DHTKD1: variants seen among roughly 807,000 people sequenced by gnomAD.
DHTKD1 encodes 2-oxoadipate dehydrogenase complex component E1.
DHTKD1 carries 78 observed loss-of-function variants against 101.8 expected under a neutral mutation model. The ratio of observed to expected loss-of-function variants is 0.77; its 90% CI spans 0.64 to 0.93. DHTKD1 has a LOEUF of 0.93. Ranked by LOEUF, DHTKD1 falls within the 40% of genes least tolerant of loss-of-function variation. The pLI is 0.00. For missense variants in DHTKD1, 1,223 were observed against 1,161.7 expected (o/e 1.05, Z -0.77); for synonymous variants, 462 against 450.3 (o/e 1.03, Z -0.33).
In DHTKD1 at chr10:12,084,599, C is replaced by G. The variant is rs757261214; in HGVS notation, c.370C>G (p.Gln124Glu). Reference sequence around the variant, plus strand: ...TGAGGAAGTGTTAGTCTATCTCAATCAAATCTACTGTGGGCAGATTTCTAT... The same window carrying G: ...TGAGGAAGTGTTAGTCTATCTCAATGAAATCTACTGTGGGCAGATTTCTAT... ...SLEEVLVYLNQIYCGQISIET... is the reference protein window; with the variant it reads ...SLEEVLVYLNEIYCGQISIET... The change falls in exon 3 of 17, where the codon CAA becomes GAA. Residue 124 changes from glutamine (Q) to glutamate (E), a missense_variant. By Grantham distance (29) the Gln-to-Glu change is conservative. Transcript: ENST00000263035. 1 of 1,613,574 alleles carries G rather than the reference C, an allele frequency of 6.2e-7. No individual in the cohort carries two copies.
At chr10:12,116,387 A>G (rs553487189) in intron 13 of DHTKD1, 1 of 151,736 alleles carries the variant, frequency 6.6e-6, no homozygotes, top group East Asian at 1.9e-4. Flanking sequence ...CACAGAAGGC[A>G]ATCTTTTTAC....
intron 8 of DHTKD1, among the ~76,000 whole-genome samples, chr10:12,099,424 C>G (rs1240522525): frequency 6.6e-6 from 1 of 152,092 alleles, no homozygotes; most frequent in East Asian, 1.9e-4. Context: ...TGGTGGCTCA[C>G]TCCTGTAATC....
chr10:12,069,310 G>GT, intron 1 of DHTKD1, 123 bp downstream of exon 1: 7 of 475,250 alleles, frequency 1.5e-5, no homozygotes, highest in African/African-American at 4.2e-5. Context: ...GGCCGGTGGG[G>GT]AGGAGGGGGA....
intron 1 of DHTKD1, among the ~76,000 whole-genome samples, chr10:12,074,668 C>T (rs543388870): frequency 0.11 from 16,010 of 151,308 alleles, 1,091 homozygotes; most frequent in Non-Finnish European, 0.16. Flanking sequence ...CTATGTTGCC[C>T]CAGGCTGGAA....
intron 10 of DHTKD1, among the ~76,000 whole-genome samples, chr10:12,102,082 C>T (rs1833179641): frequency 6.6e-6 from 1 of 152,134 alleles, no homozygotes; most frequent in African/African-American, 2.4e-5. Context: ...CTTTCCTACT[C>T]TAGCCATTAG....
Position 12,118,820 on chromosome 10 carries a change from C to T in DHTKD1, c.2474C>T (p.Ala825Val), listed in dbSNP as rs1366497959. 3.7e-6 allele frequency: 6 copies of T among 1,608,660 alleles called. No homozygotes were observed. The highest frequency in any genetic ancestry group is 5.1e-6 in the Non-Finnish European group (6 of 1,177,908). ...GTGAAACAAAGAGAATCTCTGGGGG[C>T]CAAGAAGCATGACTTTGCCATCATC... ...SLVKQRESLG[A>V]KKHDFAIIRV... Residue 825 changes from alanine (A) to valine (V), a missense_variant, in exon 15 of 17, where the codon GCC becomes GTC. Transcript: ENST00000263035.
intron 1 of DHTKD1, among the ~76,000 whole-genome samples, chr10:12,078,610 CA>C (rs945898021): frequency 2.6e-5 from 4 of 151,696 alleles, no homozygotes; most frequent in African/African-American, 4.8e-5. Context: ...GACTCCGTCT[CA>C]AAAAAAAGAA....
In DHTKD1 at chr10:12,068,965, G is replaced by C. The variant is rs772518640; in HGVS notation, c.-69G>C. 3.8e-6 allele frequency: 6 copies of C among 1,586,770 alleles called. No homozygotes were observed. The highest frequency in any genetic ancestry group is 2.3e-5 in the East Asian group (1 of 44,036). On this transcript the variant is annotated 5_prime_UTR_variant, in exon 1 of 17. Transcript: ENST00000263035. ...CTCCGGCCGCCTCTGACGAGTCCCG[G>C]ATTTACCAGGGCCGGTGGGATCCCC... is the stretch of plus-strand genomic sequence containing the variant.
chr10:12,069,228 C>A (rs1015587544), intron 1 of DHTKD1, 41 bp downstream of exon 1: 3 of 1,494,154 alleles, frequency 2.0e-6, no homozygotes, highest in South Asian at 1.3e-5. Flanking sequence ...GGGGCTGGGA[C>A]GCAGAAGCCT....
At chr10:12,108,093 AC>A in intron 12 of DHTKD1, 78 bp downstream of exon 12, 1 of 1,020,554 alleles carries the variant, frequency 9.8e-7, no homozygotes, top group Admixed American at 2.0e-5. Flanking sequence ...GGATAGCTTA[AC>A]GCCCACCTAA....
intron 8 of DHTKD1, among the ~76,000 whole-genome samples, chr10:12,099,026 C>T (rs1472448189): frequency 6.6e-6 from 1 of 152,056 alleles, no homozygotes; most frequent in Admixed American, 6.6e-5. Context: ...AAAAATTTGC[C>T]TGGCATGGTG....
rs755773040 is a variant in DHTKD1, at chr10:12,094,198, T to A, written c.1285T>A (p.Cys429Ser). 6.2e-7 allele frequency: 1 copy of A among 1,614,200 alleles called. No individual in the cohort carries two copies. Among genetic ancestry groups the A allele is most frequent in the South Asian group, 1.1e-5 (1 of 91,090 alleles). The change falls in exon 7 of 17, where the codon TGC becomes AGC. Residue 429 changes from cysteine to serine, a missense_variant. Physicochemically the swap from Cys to Ser is moderately radical, Grantham distance 112 (BLOSUM62 -1). Transcript: ENST00000263035. ...CAAGGATGTGATTATTGATCTGTTG[T>A]GCTACAGGCAGTGGGGCCACAATGA... ...FRKDVIIDLL[C>S]YRQWGHNELD... is the part of the protein sequence containing the mutation.
At chr10:12,072,502 A>AATAC (rs1038643089) in intron 1 of DHTKD1, among the ~76,000 whole-genome samples, 2 of 143,568 alleles carry the variant, frequency 1.4e-5, no homozygotes, top group Non-Finnish European at 3.0e-5. Flanking sequence ...TAAATAAATA[A>AATAC]ATACAAATAA....
intron 1 of DHTKD1, 90 bp downstream of exon 1, chr10:12,069,277 A>C (rs1588597552): frequency 4.1e-5 from 23 of 562,862 alleles, no homozygotes; most frequent in East Asian, 2.5e-4. Context: ...GGGTCGGGGA[A>C]CCGGCTGCCG....
chr10:12,099,711 G>A (rs1833126836), intron 8 of DHTKD1, among the ~76,000 whole-genome samples: 1 of 150,572 alleles, frequency 6.6e-6, no homozygotes, highest in Non-Finnish European at 1.5e-5. Flanking sequence ...AATAAAAACT[G>A]TATATAATTG....
intron 7 of DHTKD1, among the ~76,000 whole-genome samples, chr10:12,095,009 T>G (rs936244683): frequency 2.6e-5 from 4 of 152,140 alleles, no homozygotes; most frequent in Admixed American, 6.6e-5. Context: ...ACTCAGCAGA[T>G]GGGAAGATTG....
Position 12,107,804 on chromosome 10 carries a change from G to C in DHTKD1, c.2048-105G>C. ...AGGTGCATGTAATGAAAGCAGTTTT[G>C]GGGGGCCAGGCAGAAAACTAACATT... On this transcript the variant is annotated intron_variant, in intron 11 of 16. Coordinates refer to ENST00000263035, the MANE Select transcript of DHTKD1 (RefSeq NM_018706.7). The surrounding 1 kb of genome is among the most constrained non-coding windows in gnomAD (Gnocchi z 4.1). The C allele has an allele frequency of 1.4e-6, 1 of 708,614 alleles. No homozygotes were observed. The highest frequency in any genetic ancestry group is 1.7e-5 in the South Asian group (1 of 57,956). 43.9% of individuals were successfully genotyped at this position (708,614 alleles called of 1,614,324 possible). A position where few individuals can be genotyped will look rare whatever the true frequency, so the allele number is the denominator to read the frequency against.
At position 12,084,541 on chromosome 10, in the gene DHTKD1, A is replaced by T. The variant is rs546875389; in HGVS notation, c.312A>T (p.Gly104=). The change falls in exon 3 of 17, where the codon GGA becomes GGT. Residue 104 remains glycine (G), a splice_region_variant and synonymous_variant. Coordinates refer to ENST00000263035, the MANE Select transcript of DHTKD1 (RefSeq NM_018706.7). ...GACCCCTTTGATTGTATTTCACAGG[A>T]TTATTGAACATGGGGAAGGAAGAGG... is the stretch of plus-strand genomic sequence containing the variant. ...QTLQGPFHTA[G]LLNMGKEEAS... 6 of 1,589,454 alleles carry T rather than the reference A, an allele frequency of 3.8e-6. No homozygotes were observed. The South Asian group carries it at 6.6e-5, about 18-fold the overall frequency.
intron 12 of DHTKD1, among the ~76,000 whole-genome samples, chr10:12,112,651 C>A (rs1337716219): frequency 6.6e-6 from 1 of 152,104 alleles, no homozygotes; most frequent in African/African-American, 2.4e-5. Flanking sequence ...TCTTTGCTAT[C>A]AGCCGTGTTT....
Sources: allele counts gnomAD v4.1 joint callset (sites outside exome capture counted in the v4.1 genomes callset), GRCh38; gene constraint gnomAD v4.1.1; non-coding constraint Gnocchi (gnomAD v3.1); transcripts MANE v1.5; gene names NCBI Gene and HGNC (gene_info 2026-07-23, HGNC 2026-07-21).